Variants in CALCR observed in about 807,000 individuals in gnomAD.
CALCR encodes calcitonin receptor.
Under a neutral mutation model 59.5 loss-of-function variants are expected in CALCR, and 47 were observed. The observed-to-expected ratio is 0.79, with a 90% CI of 0.63 to 1.01. The LOEUF (loss-of-function observed/expected upper bound fraction) is 1.01, where lower values mean the gene tolerates loss of function less well. Ranked by LOEUF, CALCR falls within the 50% of genes least tolerant of loss-of-function variation. The pLI is 0.00. For missense variants in CALCR, 566 were observed against 597.1 expected (o/e 0.95, Z 0.54); for synonymous variants, 213 against 211.3 (o/e 1.01, Z -0.07).
At chr7:93,504,259 A>T (rs1346462762) in intron 2 of CALCR, among the ~76,000 whole-genome samples, 2 of 152,194 alleles carry the variant, frequency 1.3e-5, no homozygotes, top group East Asian at 3.8e-4. Flanking sequence ...AGGGAAAAAA[A>T]CCAACAAATT....
intron 3 of CALCR, among the ~76,000 whole-genome samples, chr7:93,485,376 A>C (rs1273615195): frequency 2.0e-5 from 3 of 151,736 alleles, no homozygotes; most frequent in African/African-American, 7.2e-5. Context: ...GTTTTGAATA[A>C]AAATGACCTA....
At chr7:93,498,413 T>C (rs1382767009) in intron 2 of CALCR, among the ~76,000 whole-genome samples, 1 of 151,632 alleles carries the variant, frequency 6.6e-6, no homozygotes, top group Non-Finnish European at 1.5e-5. Context: ...ATGGCTATTA[T>C]TAATGGATAA....
At chr7:93,568,032 CA>C (rs1248719588) in intron 2 of CALCR, among the ~76,000 whole-genome samples, 1 of 152,110 alleles carries the variant, frequency 6.6e-6, no homozygotes, top group African/African-American at 2.4e-5. Flanking sequence ...AAAATTATTT[CA>C]ATGAATGCAT....
chr7:93,439,539 C>T (rs539239241), intron 9 of CALCR, among the ~76,000 whole-genome samples: 7 of 152,178 alleles, frequency 4.6e-5, no homozygotes, highest in East Asian at 1.9e-4. Context: ...CACCTTTTAA[C>T]GCCCAGGGCT....
rs1310689862 is a variant in CALCR, at chr7:93,426,596, G to A, written c.1192-7C>T. ...GCTTCACGGTGGTTTGGACCTGGAA[G>A]AGAAAAAGGAGCCTTGTTTTTATAT... is the stretch of plus-strand genomic sequence containing the variant. On this transcript the variant is annotated splice_polypyrimidine_tract_variant and splice_region_variant and intron_variant, in intron 13 of 13. Transcript: ENST00000426151. 4.1e-6 allele frequency: 6 copies of A among 1,448,532 alleles called. No homozygotes were observed. The Admixed American group carries it at 5.7e-5, about 14-fold the overall frequency. 89.7% of individuals were successfully genotyped at this position (1,448,532 alleles called of 1,614,324 possible). A position where few individuals can be genotyped will look rare whatever the true frequency, so the allele number is the denominator to read the frequency against.
chr7:93,447,601 A>C (rs984414520), intron 8 of CALCR, among the ~76,000 whole-genome samples: 1 of 151,950 alleles, frequency 6.6e-6, no homozygotes, highest in African/African-American at 2.4e-5. Context: ...TGATCTGTGG[A>C]AACAACGAAA....
At chr7:93,481,710 C>T (rs554871581) in intron 3 of CALCR, among the ~76,000 whole-genome samples, 47 of 151,904 alleles carry the variant, frequency 3.1e-4, no homozygotes, top group African/African-American at 1.1e-3. Context: ...CAAATGGACA[C>T]CAATTGTGAA....
At chr7:93,517,800 A>G (rs1291318344) in intron 2 of CALCR, among the ~76,000 whole-genome samples, 1 of 151,918 alleles carries the variant, frequency 6.6e-6, no homozygotes, top group Non-Finnish European at 1.5e-5. Context: ...AGGAAACCTC[A>G]TTGAGTAAAA....
chr7:93,537,956 A>G (rs1051577723), intron 2 of CALCR, among the ~76,000 whole-genome samples: 1 of 151,914 alleles, frequency 6.6e-6, no homozygotes, highest in African/African-American at 2.4e-5. Flanking sequence ...GGTATTATTA[A>G]ATAAAACATT....
chr7:93,565,888 G>T (rs1789854426), intron 2 of CALCR, among the ~76,000 whole-genome samples: 1 of 152,186 alleles, frequency 6.6e-6, no homozygotes, highest in African/African-American at 2.4e-5. Flanking sequence ...CTTAAGGTTA[G>T]AAACAAATAA....
chr7:93,527,344 C>G (rs1024084880), intron 2 of CALCR, among the ~76,000 whole-genome samples: 2 of 151,258 alleles, frequency 1.3e-5, no homozygotes, highest in Admixed American at 6.6e-5. Context: ...ATATGTTATT[C>G]ACTGAAAAGC....
rs181819022 is a variant in CALCR, at chr7:93,439,026, C to A, written c.803-756G>T. Among the ~76,000 whole-genome samples, 451 of 151,838 alleles carry A rather than the reference C, an allele frequency of 3.0e-3. 3 individuals are homozygous for A. Among genetic ancestry groups the A allele is most frequent in the African/African-American group, 9.6e-3 (396 of 41,430 alleles). ...TAGTATAACCTAAAGTTGTAATTTT[C>A]ATTAAAAAAGAAAAAATAAGTCTTT... On this transcript the variant is annotated intron_variant, in intron 9 of 13. Coordinates refer to ENST00000426151, the MANE Select transcript of CALCR (RefSeq NM_001742.4).
At chr7:93,468,854 CAGAG>C in intron 6 of CALCR, 48 bp from the exon 7 acceptor site, 1 of 658,908 alleles carries the variant, frequency 1.5e-6, no homozygotes, top group South Asian at 3.3e-5. Context: ...AATGATTCAT[CAGAG>C]AGAAAATCAT....
intron 6 of CALCR, among the ~76,000 whole-genome samples, chr7:93,471,135 A>T (rs1800543606): frequency 1.3e-5 from 2 of 151,790 alleles, no homozygotes; most frequent in Non-Finnish European, 2.9e-5. Context: ...TCATTCTTAG[A>T]TGTGGCCAGT....
chr7:93,496,371 T>C (rs1218898432), intron 2 of CALCR, among the ~76,000 whole-genome samples: 1 of 151,566 alleles, frequency 6.6e-6, no homozygotes, highest in African/African-American at 2.4e-5. Flanking sequence ...AACACTTTTA[T>C]GGTGTGATAA....
chr7:93,457,861 A>G (rs1487333124), intron 8 of CALCR, among the ~76,000 whole-genome samples: 1 of 151,796 alleles, frequency 6.6e-6, no homozygotes, highest in African/African-American at 2.4e-5. Flanking sequence ...ATAAATAAAG[A>G]CAATCAACAG....
chr7:93,502,880 T>C (rs1801348707), intron 2 of CALCR, among the ~76,000 whole-genome samples: 1 of 152,076 alleles, frequency 6.6e-6, no homozygotes, highest in African/African-American at 2.4e-5. Flanking sequence ...TTTGTAAATA[T>C]ATATTTATAT....
At chr7:93,530,441 C>T (rs759542757) in intron 2 of CALCR, among the ~76,000 whole-genome samples, 3 of 152,114 alleles carry the variant, frequency 2.0e-5, no homozygotes, top group Non-Finnish European at 4.4e-5. Context: ...TGCCGCATCA[C>T]TCAATCATAA....
In CALCR at chr7:93,474,716, T is replaced by A. The variant is rs1800628142; in HGVS notation, c.317-2229A>T. On this transcript the variant is annotated intron_variant, in intron 5 of 13. Transcript: ENST00000426151. ...TGAGAGATCAAATAGCAAGCCTAGA[T>A]TGGTATAATATGCAGGGAGATTTTG... Among the ~76,000 whole-genome samples, 6 of 151,764 alleles carry A rather than the reference T, an allele frequency of 4.0e-5. No homozygotes were observed. The South Asian group carries it at 1.0e-3, about 26-fold the overall frequency.
Sources: allele counts gnomAD v4.1 joint callset (sites outside exome capture counted in the v4.1 genomes callset), GRCh38; gene constraint gnomAD v4.1.1; transcripts MANE v1.5; gene names NCBI Gene and HGNC (gene_info 2026-07-23, HGNC 2026-07-21).